The following DDX50 variants were observed in gnomAD, a reference collection of about 807,000 sequenced individuals.
The protein encoded by DDX50 is ATP-dependent RNA helicase DDX50.
Under a neutral mutation model 94.8 loss-of-function variants are expected in DDX50, and 56 were observed. That is an observed-to-expected ratio of 0.59 (90% confidence interval 0.48 to 0.74). The LOEUF (loss-of-function observed/expected upper bound fraction) is 0.74. Ranked by LOEUF, DDX50 falls within the 30% of genes least tolerant of loss-of-function variation. DDX50 has a pLI of 0.00. For missense variants in DDX50, 713 were observed against 881.2 expected (o/e 0.81, Z 2.42); for synonymous variants, 264 against 295.4 (o/e 0.89, Z 1.09).
At chr10:68,904,974 GTAGT>G (rs2132019074) in intron 1 of DDX50, among the ~76,000 whole-genome samples, 1 of 152,346 alleles carries the variant, frequency 6.6e-6, no homozygotes, top group Non-Finnish European at 1.5e-5. Context: ...TTTGGTGGTA[GTAGT>G]TTTTACTATC....
chr10:68,922,380 T>C (rs933793690), intron 8 of DDX50, among the ~76,000 whole-genome samples: 2 of 152,230 alleles, frequency 1.3e-5, no homozygotes, highest in African/African-American at 4.8e-5. Context: ...CTTTTACTCT[T>C]TCTAGTATAG....
At chr10:68,923,099 G>T (rs1589259530) in intron 8 of DDX50, among the ~76,000 whole-genome samples, 1 of 103,142 alleles carries the variant, frequency 9.7e-6, no homozygotes. Context: ...GGCTGAGTAT[G>T]ACCCTTTCTC....
Position 68,907,046 on chromosome 10 carries a change from G to T in DDX50, c.384+39G>T, listed in dbSNP as rs760306770. The T allele has an allele frequency of 5.8e-6, 9 of 1,548,740 alleles. No individual in the cohort carries two copies. The Admixed American group carries it at 2.0e-4, about 35-fold the overall frequency. On this transcript the variant is annotated intron_variant, in intron 2 of 14. Transcript: ENST00000373585. The stretch of plus-strand genomic sequence containing the variant: ...TTATTTTGCATTTGACATTGTTGTT[G>T]AACTATAGGTTGATTTGAATTTTTT...
intron 8 of DDX50, among the ~76,000 whole-genome samples, chr10:68,928,052 T>C (rs1842136350): frequency 6.6e-6 from 1 of 152,194 alleles, no homozygotes; most frequent in Admixed American, 6.5e-5. Flanking sequence ...AAGGATGTTT[T>C]TGAAATTAAA....
intron 8 of DDX50, among the ~76,000 whole-genome samples, chr10:68,931,310 A>C (rs12769783): frequency 0.02 from 2,967 of 149,062 alleles, 51 homozygotes; most frequent in Non-Finnish European, 0.027. Context: ...GCCACCGATA[A>C]CCTCTTTATT....
intron 8 of DDX50, among the ~76,000 whole-genome samples, chr10:68,927,382 G>T (rs1190680051): frequency 1.3e-5 from 2 of 152,032 alleles, no homozygotes; most frequent in Non-Finnish European, 2.9e-5. Flanking sequence ...CCCAGTTTCT[G>T]TTGAGGTCTT....
In DDX50 at chr10:68,906,811, A is replaced by T; in HGVS notation, c.188A>T (p.Lys63Ile). 1.9e-6 allele frequency: 3 copies of T among 1,613,834 alleles called. No homozygotes were observed. Among genetic ancestry groups the T allele is most frequent in the Non-Finnish European group, 2.5e-6 (3 of 1,179,970 alleles). ...GACCTGGATGCTCCCAAGGCCAAAA[A>T]ATCTAAAATGAAAGAGAAGCTAAAT... ...TDDLDAPKAK[K>I]SKMKEKLNGD... is the part of the protein sequence containing the mutation. The change falls in exon 2 of 15, where the codon AAA (lysine) becomes ATA (isoleucine). Residue 63 changes from lysine (K) to isoleucine (I), a missense_variant. Around this residue, in one of 2 missense-constraint regions of DDX50, gnomAD observed 285 missense variants for 278.9 expected, o/e 1.02. Transcript: ENST00000373585.
At chr10:68,908,675 C>G (rs1841539798) in intron 2 of DDX50, among the ~76,000 whole-genome samples, 1 of 119,404 alleles carries the variant, frequency 8.4e-6, no homozygotes, top group African/African-American at 3.2e-5. Context: ...GGGTCTCACT[C>G]TGTCACCTAG....
chr10:68,929,296 T>TTCCTTCCTTCCTTCCTTCCTTC (rs1354099619), intron 8 of DDX50, among the ~76,000 whole-genome samples: 4 of 66,134 alleles, frequency 6.0e-5, no homozygotes, highest in Admixed American at 1.4e-4. Flanking sequence ...TTCCTTCCTC[T>TTCCTTCCTTCCTTCCTTCCTTC]CTCTCTCTCT....
At chr10:68,929,303 C>CTT (rs1842179979) in intron 8 of DDX50, among the ~76,000 whole-genome samples, 2 of 103,708 alleles carry the variant, frequency 1.9e-5, no homozygotes, top group African/African-American at 6.3e-5. Flanking sequence ...CTCTCTCTCT[C>CTT]TCTCTCTCTC....
At chr10:68,937,952 A>G (rs1039493361) in intron 12 of DDX50, among the ~76,000 whole-genome samples, 1 of 152,196 alleles carries the variant, frequency 6.6e-6, no homozygotes, top group African/African-American at 2.4e-5. Context: ...AAATATTTCA[A>G]CATGCATCCT....
chr10:68,902,067 A>C (rs1458905246), intron 1 of DDX50, among the ~76,000 whole-genome samples: 2 of 151,810 alleles, frequency 1.3e-5, no homozygotes, highest in Non-Finnish European at 2.9e-5. Context: ...ATTGAACCTA[A>C]TTTGTACCAT....
chr10:68,934,349 TCTC>T lies in DDX50; in HGVS notation c.1397_1399del (p.Pro466del). ...TGAAGTTGACCTGGTGATTCAAAGT[TCTC>T]CTCCTCAGGTAGGAAATGGGATTTG... On this transcript the variant is annotated inframe_deletion, in exon 9 of 15. Coordinates refer to ENST00000373585, the MANE Select transcript of DDX50 (RefSeq NM_024045.2). The surrounding 1 kb of genome is among the most constrained non-coding windows in gnomAD (Gnocchi z 4.0). The T allele has an allele frequency of 2.5e-6, 4 of 1,613,458 alleles. No individual in the cohort carries two copies. The highest frequency in any genetic ancestry group is 2.5e-6 in the Non-Finnish European group (3 of 1,179,780).
Position 68,911,235 on chromosome 10 carries a change from C to T in DDX50, c.628C>T (p.Arg210Cys), listed in dbSNP as rs373295913. 120 of 1,597,028 alleles carry T rather than the reference C, an allele frequency of 7.5e-5. No homozygotes were observed. Among genetic ancestry groups the T allele is most frequent in the Non-Finnish European group, 9.7e-5 (114 of 1,174,734 alleles). ...QRNQETIKKS[R>C]SPKVLVLAPT... The stretch of plus-strand genomic sequence containing the variant: ...AAATCAAGAAACAATTAAAAAAAGC[C>T]GCTCACCAAAGGTAATCGTTATAGG... The change falls in exon 4 of 15, where the codon CGC becomes TGC. Residue 210 changes from arginine (R) to cysteine (C), a missense_variant. Physicochemically the swap from Arg to Cys is radical, Grantham distance 180. This residue lies in a region of DDX50 where 285 missense variants were observed against 278.9 expected (regional missense o/e 1.02). Transcript: ENST00000373585.
intron 13 of DDX50, among the ~76,000 whole-genome samples, chr10:68,941,776 A>T (rs987961298): frequency 6.6e-6 from 1 of 151,870 alleles, no homozygotes; most frequent in African/African-American, 2.4e-5. Flanking sequence ...AGTAGCTGAG[A>T]TTACAGGTGC....
At chr10:68,929,296 T>TTCCTTCCTTC (rs1354099619) in intron 8 of DDX50, among the ~76,000 whole-genome samples, 226 of 66,148 alleles carry the variant, frequency 3.4e-3, no homozygotes, top group East Asian at 7.7e-3. Context: ...TTCCTTCCTC[T>TTCCTTCCTTC]CTCTCTCTCT....
chr10:68,939,433 T>G (rs550929577), intron 12 of DDX50, among the ~76,000 whole-genome samples: 1 of 152,322 alleles, frequency 6.6e-6, no homozygotes, highest in South Asian at 2.1e-4. Context: ...AGGGTGTTAG[T>G]GGCTTTAAAT....
At chr10:68,914,764 G>A (rs1841732718) in intron 7 of DDX50, among the ~76,000 whole-genome samples, 1 of 152,228 alleles carries the variant, frequency 6.6e-6, no homozygotes, top group Middle Eastern at 3.2e-3. Context: ...GCTCACGCCT[G>A]TAATCCCAGC....
chr10:68,917,834 C>T (rs1020345864), intron 7 of DDX50, among the ~76,000 whole-genome samples: 5 of 152,108 alleles, frequency 3.3e-5, no homozygotes, highest in African/African-American at 1.2e-4. Context: ...AAGTCCTCAC[C>T]TCACGTGATC....
Sources: allele counts gnomAD v4.1 joint callset (sites outside exome capture counted in the v4.1 genomes callset), GRCh38; gene constraint gnomAD v4.1.1; regional missense constraint gnomAD v4.1.1; non-coding constraint Gnocchi (gnomAD v3.1); transcripts MANE v1.5; gene names NCBI Gene and HGNC (gene_info 2026-07-23, HGNC 2026-07-21).